GRIP2: variants seen among roughly 807,000 people sequenced by gnomAD.
The protein encoded by GRIP2 is glutamate receptor interacting protein 2.
A neutral mutation model predicts 108.3 loss-of-function variants in GRIP2; 58 were observed. The observed-to-expected ratio is 0.54, with a 90% CI of 0.43 to 0.67. The LOEUF is 0.67. GRIP2 is among the 30% of genes least tolerant of loss of function. The pLI is 0.00. For missense variants in GRIP2, 1,278 were observed against 1,430.6 expected, an observed-to-expected ratio of 0.89 and a Z score of 1.72; for synonymous variants, 586 against 598.2, an observed-to-expected ratio of 0.98 and a Z score of 0.30.
chr3:14,515,794 T>G (rs563067248), intron 11 of GRIP2, among the ~76,000 whole-genome samples: 44 of 151,980 alleles, frequency 2.9e-4, no homozygotes, highest in African/African-American at 1.0e-3. Flanking sequence ...CATACAAGGC[T>G]AATTTGTTGT....
At chr3:14,551,829 G>C (rs1000265535) in intron 1 of GRIP2, among the ~76,000 whole-genome samples, 2 of 152,196 alleles carry the variant, frequency 1.3e-5, no homozygotes, top group Admixed American at 6.5e-5. Flanking sequence ...CTAGGTGTGT[G>C]ACCTTGGAAA....
At chr3:14,585,438 G>T in the GRIP2 span, among the ~76,000 whole-genome samples, 1 of 152,236 alleles carries the variant, frequency 6.6e-6, no homozygotes, top group Non-Finnish European at 1.5e-5. Context: ...GCTCTGGGAG[G>T]TAGAATTGGC....
the GRIP2 span, among the ~76,000 whole-genome samples, chr3:14,571,854 T>A: frequency 6.6e-6 from 1 of 152,080 alleles, no homozygotes. Context: ...CTGGGAAGCT[T>A]GATAGAAATA....
At chr3:14,506,600 C>T (rs1218459596) in intron 19 of GRIP2, among the ~76,000 whole-genome samples, 2 of 152,226 alleles carry the variant, frequency 1.3e-5, no homozygotes, top group East Asian at 3.8e-4. Flanking sequence ...GATATGGCTG[C>T]AGTCCATGCT....
At chr3:14,587,704 G>A in the GRIP2 span, among the ~76,000 whole-genome samples, 2 of 151,460 alleles carry the variant, frequency 1.3e-5, no homozygotes, top group African/African-American at 4.8e-5. Flanking sequence ...CTTCTCATCT[G>A]CAAAATGAAG....
At chr3:14,504,456 C>G (rs576302867) in intron 20 of GRIP2, among the ~76,000 whole-genome samples, 1 of 152,006 alleles carries the variant, frequency 6.6e-6, no homozygotes, top group Admixed American at 6.6e-5. Flanking sequence ...GGACCACAGG[C>G]ATGCGCCACC....
At chr3:14,579,830 G>A in the GRIP2 span, among the ~76,000 whole-genome samples, 1 of 152,228 alleles carries the variant, frequency 6.6e-6, no homozygotes. Context: ...CCAGGGCTGA[G>A]AGGAGCAGCC....
At chr3:14,567,793 G>T in the GRIP2 span, among the ~76,000 whole-genome samples, 6 of 152,226 alleles carry the variant, frequency 3.9e-5, no homozygotes, top group Non-Finnish European at 7.3e-5. Flanking sequence ...TACGTTCTAC[G>T]CAGAGAGACA....
the GRIP2 span, chr3:14,574,324 C>T: frequency 9.8e-7 from 1 of 1,020,632 alleles, no homozygotes; most frequent in South Asian, 1.3e-5. Flanking sequence ...TTCTCCCGGG[C>T]GAAGAGTTTG....
At chr3:14,572,611 CAAAA>C in the GRIP2 span, among the ~76,000 whole-genome samples, 710 of 46,956 alleles carry the variant, frequency 0.015, 17 homozygotes, top group Middle Eastern at 0.058. Flanking sequence ...GACTCCGTCT[CAAAA>C]AAAAAAAAAA....
At chr3:14,590,517 G>A in the GRIP2 span, among the ~76,000 whole-genome samples, 1 of 152,188 alleles carries the variant, frequency 6.6e-6, no homozygotes, top group Non-Finnish European at 1.5e-5. Context: ...GCCTTGCAGG[G>A]TTATTACAAG....
At chr3:14,514,947 C>T (rs1694209430) in intron 11 of GRIP2, among the ~76,000 whole-genome samples, 1 of 152,188 alleles carries the variant, frequency 6.6e-6, no homozygotes, top group South Asian at 2.1e-4. Context: ...CATTTGAGAA[C>T]ATTTCATCAC....
intron 4 of GRIP2, 167 bp from the exon 5 acceptor site, chr3:14,523,865 T>C: frequency 3.3e-6 from 2 of 603,884 alleles, no homozygotes; most frequent in Non-Finnish European, 5.9e-6. Flanking sequence ...AGAGGGATCC[T>C]CTCCCCTAAT....
At chr3:14,526,074 C>G in intron 1 of GRIP2, 143 bp from the exon 2 acceptor site, 1 of 691,970 alleles carries the variant, frequency 1.4e-6, no homozygotes, top group Non-Finnish European at 2.6e-6. Context: ...CGATTCTCTG[C>G]TGGAGAATCC....
Position 14,503,643 on chromosome 3 carries a change from C to T in GRIP2, c.2602G>A (p.Gly868Ser). Residue 868 changes from glycine (G) to serine (S), a missense_variant, in exon 21 of 24, where the codon GGC becomes AGC. Gly to Ser is a moderately conservative substitution (Grantham distance 56, BLOSUM62 0). Transcript: ENST00000621039. The part of the protein sequence containing the change: ...SPAPGPAREE[G>S]FWRMFGEALE... Reference sequence around the variant, plus strand: ...GCTTCTCCAAACATGCGCCAGAAGCCCTCCTCTCGGGCAGGGCCAGGGGCT... The same window carrying T: ...GCTTCTCCAAACATGCGCCAGAAGCTCTCCTCTCGGGCAGGGCCAGGGGCT... The T allele has an allele frequency of 3.7e-6, 6 of 1,610,632 alleles. No individual in the cohort carries two copies. Among genetic ancestry groups the T allele is most frequent in the Non-Finnish European group, 4.2e-6 (5 of 1,178,790 alleles).
chr3:14,508,865 GTGTC>G lies in GRIP2; in HGVS notation c.2078+951_2078+954del, dbSNP rs545278191. ...GCTTTGCAGATGTGGCTACTAGAAA[GTGTC>G]TGATTAAATTTGTGGCTCAAATTAT... On this transcript the variant is annotated intron_variant, in intron 17 of 23. Coordinates refer to ENST00000621039, the MANE Select transcript of GRIP2 (RefSeq NM_001080423.4). Among the ~76,000 whole-genome samples, 671 of 152,298 alleles carry G rather than the reference GTGTC, an allele frequency of 4.4e-3. 5 individuals are homozygous for G. Among genetic ancestry groups the G allele is most frequent in the African/African-American group, 0.014 (572 of 41,558 alleles).
chr3:14,523,816 A>G (rs1360641163), intron 4 of GRIP2, 118 bp from the exon 5 acceptor site: 1 of 725,226 alleles, frequency 1.4e-6, no homozygotes, highest in Non-Finnish European at 2.4e-6. Flanking sequence ...CAGGGAGGGT[A>G]AACCCTTGCC....
intron 9 of GRIP2, among the ~76,000 whole-genome samples, chr3:14,518,489 C>T (rs1233664914): frequency 6.6e-6 from 1 of 152,178 alleles, no homozygotes; most frequent in African/African-American, 2.4e-5. Context: ...CCTTCCCAGC[C>T]TTATCCACAG....
upstream of GRIP2, chr3:14,556,192 G>C (rs1011279397): frequency 1.5e-5 from 6 of 389,224 alleles, no homozygotes; most frequent in Non-Finnish European, 2.7e-5. Context: ...TGCAGTGCCG[G>C]ATGTTCTAGC....
Sources: gnomAD v4.1 joint callset for allele counts (sites outside exome capture counted in the v4.1 genomes callset) on GRCh38, gnomAD v4.1.1 for gene constraint, MANE v1.5 for transcripts, NCBI Gene and HGNC (gene_info 2026-07-23, HGNC 2026-07-21) for gene names.